DERA: variants seen among roughly 807,000 people sequenced by gnomAD.
The protein encoded by DERA is 2-deoxy-D-ribose 5-phosphate aldolase.
In DERA, 15 loss-of-function variants were observed where a neutral mutation model predicts 41.1. That is an observed-to-expected ratio of 0.37 (90% CI 0.24 to 0.56). The LOEUF (loss-of-function observed/expected upper bound fraction) is 0.56. Among genes scored for constraint, DERA ranks in the 20% least tolerant of loss-of-function variants. The pLI is 0.81. For missense variants in DERA, 396 were observed against 403.4 expected, an observed-to-expected ratio of 0.98 and a Z score of 0.16; for synonymous variants, 139 against 137.4, an observed-to-expected ratio of 1.01 and a Z score of -0.08.
Position 15,940,532 on chromosome 12 carries a change from T to C in DERA, c.32-16404T>C, listed in dbSNP as rs1948401450. On this transcript the variant is annotated intron_variant, in intron 1 of 8. Coordinates refer to ENST00000428559, the MANE Select transcript of DERA (RefSeq NM_015954.4). This position sits in a 1 kb window ranked among gnomAD's most constrained non-coding sequence, Gnocchi z 5.1. ...ACACCTGGCTGATTTTTTGTATTTG[T>C]AGTAGAGACAGAGTTTCACCATGTT... Among the ~76,000 whole-genome samples, 1 of 152,054 alleles carries C rather than the reference T, an allele frequency of 6.6e-6. No individual in the cohort carries two copies. Among genetic ancestry groups the C allele is most frequent in the South Asian group, 2.1e-4 (1 of 4,812 alleles).
intron 7 of DERA, among the ~76,000 whole-genome samples, chr12:16,033,581 TTG>T (rs146182174): frequency 0.038 from 4,811 of 127,638 alleles, 124 homozygotes; most frequent in East Asian, 0.093. Context: ...GAGAGCAAGG[TTG>T]TGTGTGTGTG....
chr12:15,911,395 C>G lies in DERA; in HGVS notation c.12C>G (p.His4Gln), dbSNP rs545787021. The G allele has an allele frequency of 1.4e-6, 2 of 1,405,346 alleles. No individual in the cohort carries two copies. The highest frequency in any genetic ancestry group is 6.8e-5 in the Admixed American group (2 of 29,338). 87.1% of individuals were successfully genotyped at this position (1,405,346 alleles called of 1,614,324 possible). Residue 4 changes from histidine (H) to glutamine (Q), a missense_variant, in exon 1 of 9, where the codon CAC becomes CAG. Coordinates refer to ENST00000428559, the MANE Select transcript of DERA (RefSeq NM_015954.4). The surrounding 1 kb of genome is among the most constrained non-coding windows in gnomAD (Gnocchi z 4.5). ...GAGCTGCCCGCGCCATGTCCGCGCA[C>G]AATCGGGGCACCGAGCTCGGTAAGG... MSA[H>Q]NRGTELDLSW...
rs1357145441 is a variant in DERA, at chr12:16,032,781, T to A, written c.750+127T>A. The A allele has an allele frequency of 4.0e-5, 26 of 657,384 alleles. No homozygotes were observed. The East Asian group carries it at 6.8e-4, about 17-fold the overall frequency. The allele number at this position is 657,384 out of a possible 1,614,324, so 40.7% of individuals were successfully genotyped here. A position where few individuals can be genotyped will look rare whatever the true frequency, so the allele number is the denominator to read the frequency against. The stretch of plus-strand genomic sequence containing the variant: ...GAATTACCTTTATTAAGATAAATGT[T>A]TAATTTACCTTTCATTATAAAAGAA... On this transcript the variant is annotated intron_variant, in intron 7 of 8. Transcript: ENST00000428559.
chr12:16,031,887 A>G (rs1045969401), intron 6 of DERA, among the ~76,000 whole-genome samples: 2 of 152,210 alleles, frequency 1.3e-5, no homozygotes, highest in African/African-American at 4.8e-5. Flanking sequence ...ATGGCACTCA[A>G]TGAATCTTAA....
chr12:15,946,980 T>C (rs1441304983), intron 1 of DERA, among the ~76,000 whole-genome samples: 1 of 152,258 alleles, frequency 6.6e-6, no homozygotes, highest in Non-Finnish European at 1.5e-5. Flanking sequence ...CATTTCATTA[T>C]GTACCCAGTA....
intron 5 of DERA, among the ~76,000 whole-genome samples, chr12:15,977,251 T>A (rs1948703527): frequency 6.6e-6 from 1 of 152,174 alleles, no homozygotes; most frequent in South Asian, 2.1e-4. Context: ...CTCGAAGCAC[T>A]GCAATGTATT....
intron 5 of DERA, among the ~76,000 whole-genome samples, chr12:15,971,133 T>C (rs1948656975): frequency 1.3e-5 from 2 of 152,170 alleles, no homozygotes; most frequent in South Asian, 4.1e-4. Flanking sequence ...TAATAACATC[T>C]GGAAATTGTT....
intron 1 of DERA, among the ~76,000 whole-genome samples, chr12:15,947,631 C>T (rs908557242): frequency 6.6e-5 from 10 of 152,290 alleles, no homozygotes; most frequent in African/African-American, 1.7e-4. Context: ...CTCCTGAATA[C>T]AGCACATTGA....
intron 1 of DERA, among the ~76,000 whole-genome samples, chr12:15,951,749 A>C (rs1349450233): frequency 6.6e-6 from 1 of 152,198 alleles, no homozygotes; most frequent in African/African-American, 2.4e-5. Flanking sequence ...TTTTCTTTGC[A>C]CATACACCAA....
intron 7 of DERA, among the ~76,000 whole-genome samples, chr12:16,033,739 A>G (rs1244711683): frequency 6.6e-6 from 1 of 151,916 alleles, no homozygotes; most frequent in South Asian, 2.1e-4. Context: ...TGATGACTTT[A>G]TATGTAAGTG....
intron 5 of DERA, among the ~76,000 whole-genome samples, chr12:15,963,362 T>TA (rs1948601287): frequency 6.6e-6 from 1 of 152,200 alleles, no homozygotes; most frequent in Admixed American, 6.5e-5. Flanking sequence ...TTCCCTTTTT[T>TA]ATGTTAATTT....
At chr12:16,030,639 T>C (rs964744139) in intron 6 of DERA, among the ~76,000 whole-genome samples, 3 of 152,232 alleles carry the variant, frequency 2.0e-5, no homozygotes, top group Non-Finnish European at 4.4e-5. Flanking sequence ...GATAACTCTT[T>C]AAATATAGCT....
Position 15,982,263 on chromosome 12 carries a change from A to T in DERA, c.509-45A>T, listed in dbSNP as rs199912930. On this transcript the variant is annotated intron_variant, in intron 5 of 8. Transcript: ENST00000428559. This position sits in a 1 kb window ranked among gnomAD's most constrained non-coding sequence, Gnocchi z 4.0. ...CTCTAAACGGCTGCCAAGTTATGTTATCACTTGCCTGCTTTGTAACTGCCT... is the reference window on the plus strand; with the variant it reads ...CTCTAAACGGCTGCCAAGTTATGTTTTCACTTGCCTGCTTTGTAACTGCCT... 89 of 1,583,246 alleles carry T rather than the reference A, an allele frequency of 5.6e-5. No homozygotes were observed. In the Middle Eastern group the frequency reaches 6.8e-4, roughly 12 times the overall value.
At position 15,995,984 on chromosome 12, in the gene DERA, G is replaced by A. The variant is rs1446301018; in HGVS notation, c.637+13548G>A. Among the ~76,000 whole-genome samples, 1 of 152,134 alleles carries A rather than the reference G, an allele frequency of 6.6e-6. No homozygotes were observed. The highest frequency in any genetic ancestry group is 1.5e-5 in the Non-Finnish European group (1 of 68,036). On this transcript the variant is annotated intron_variant, in intron 6 of 8. Coordinates refer to ENST00000428559, the MANE Select transcript of DERA (RefSeq NM_015954.4). The surrounding 1 kb of genome is among the most constrained non-coding windows in gnomAD (Gnocchi z 5.1). ...AGTGTCTGAATCACCTGGAAATTGG[G>A]TGCGCCACATCAGGAGGTAGGAGAC...
chr12:15,939,346 G>A (rs1948393295), intron 1 of DERA, among the ~76,000 whole-genome samples: 1 of 152,192 alleles, frequency 6.6e-6, no homozygotes, highest in South Asian at 2.1e-4. Flanking sequence ...AACCTGTCAG[G>A]AGAAATAGAA....
At position 15,931,080 on chromosome 12, in the gene DERA, A is replaced by G. The variant is rs562702943; in HGVS notation, c.31+19666A>G. On this transcript the variant is annotated intron_variant, in intron 1 of 8. Transcript: ENST00000428559. The surrounding 1 kb of genome is among the most constrained non-coding windows in gnomAD (Gnocchi z 4.6). ...TTTCAAATTGTTTTAAGTGTTTTCT[A>G]TTATGGAGATATAAATAATATTTAG... Among the ~76,000 whole-genome samples, 1 of 152,266 alleles carries G rather than the reference A, an allele frequency of 6.6e-6. No individual in the cohort carries two copies. The highest frequency in any genetic ancestry group is 1.9e-4 in the East Asian group (1 of 5,180).
In DERA at chr12:15,994,636, G is replaced by T. The variant is rs1693607269; in HGVS notation, c.637+12200G>T. Among the ~76,000 whole-genome samples, 1 of 152,096 alleles carries T rather than the reference G, an allele frequency of 6.6e-6. No individual in the cohort carries two copies. Among genetic ancestry groups the T allele is most frequent in the African/African-American group, 2.4e-5 (1 of 41,420 alleles). The stretch of plus-strand genomic sequence containing the variant: ...GCCTGGCTAATTTTTTGTATTTTTA[G>T]TAGAGACGGGGTTTCACCATGTTAG... On this transcript the variant is annotated intron_variant, in intron 6 of 8. Coordinates refer to ENST00000428559, the MANE Select transcript of DERA (RefSeq NM_015954.4). This position sits in a 1 kb window ranked among gnomAD's most constrained non-coding sequence, Gnocchi z 4.8.
chr12:16,034,014 G>A (rs545433475), intron 7 of DERA, among the ~76,000 whole-genome samples: 2 of 152,146 alleles, frequency 1.3e-5, no homozygotes, highest in Non-Finnish European at 2.9e-5. Context: ...TTGGTCCTCA[G>A]TTGAAACTAC....
At position 16,001,498 on chromosome 12, in the gene DERA, CAAAG is replaced by C. The variant is rs946746248; in HGVS notation, c.637+19064_637+19067del. Among the ~76,000 whole-genome samples, 6 of 152,080 alleles carry C rather than the reference CAAAG, an allele frequency of 3.9e-5. No homozygotes were observed. Among genetic ancestry groups the C allele is most frequent in the African/African-American group, 7.2e-5 (3 of 41,394 alleles). ...CCAGAAAGAGATTCGTGCTCAGTAA[CAAAG>C]AGAGAGTAATACAGACTTGTGGAGT... On this transcript the variant is annotated intron_variant, in intron 6 of 8. Coordinates refer to ENST00000428559, the MANE Select transcript of DERA (RefSeq NM_015954.4). The surrounding 1 kb of genome is among the most constrained non-coding windows in gnomAD (Gnocchi z 4.1).
Sources: gnomAD v4.1 joint callset for allele counts (sites outside exome capture counted in the v4.1 genomes callset) on GRCh38, gnomAD v4.1.1 for gene constraint, Gnocchi (gnomAD v3.1) non-coding constraint, MANE v1.5 for transcripts, NCBI Gene and HGNC (gene_info 2026-07-23, HGNC 2026-07-21) for gene names.